IL1RAPL2: variants seen among roughly 807,000 people sequenced by gnomAD.
IL1RAPL2 encodes X-linked interleukin-1 receptor accessory protein-like 2.
A neutral mutation model predicts 44.1 loss-of-function variants in IL1RAPL2; 3 were observed. The ratio of observed to expected loss-of-function variants is 0.07; its 90% CI spans 0.03 to 0.18. The LOEUF (loss-of-function observed/expected upper bound fraction) is 0.18. IL1RAPL2 is among the 10% of genes least tolerant of loss of function. IL1RAPL2 has a pLI of 1.00. For missense variants in IL1RAPL2, 391 were observed against 496.4 expected (o/e 0.79, Z 2.02); for synonymous variants, 181 against 178.8 (o/e 1.01, Z -0.10).
At chrX:105,383,493 A>G (rs984010379) in intron 5 of IL1RAPL2, among the ~76,000 whole-genome samples, 1 of 112,186 alleles carries the variant, frequency 8.9e-6, no homozygotes, top group Non-Finnish European at 1.9e-5. Context: ...TTATCTACTC[A>G]TCTTCTATTC....
At chrX:105,189,226 A>G (rs958470507) in intron 2 of IL1RAPL2, among the ~76,000 whole-genome samples, 2 of 112,184 alleles carry the variant, frequency 1.8e-5, no homozygotes, top group African/African-American at 6.5e-5. Flanking sequence ...TTATTTATTT[A>G]TTTATTTTTG....
rs539942283 is a variant in IL1RAPL2, at chrX:105,740,754, A to G, written c.1048+63A>G. The G allele has an allele frequency of 1.2e-4, 121 of 1,035,441 alleles. 1 individual carries two copies. The South Asian group carries it at 2.5e-3, about 22-fold the overall frequency. 85.3% of individuals were successfully genotyped at this position (1,035,441 alleles called of 1,213,427 possible). ...CTATCAACAACTATTGAAGTTAGAG[A>G]TATTTCCTGGCTTTATTTTATCATG... On this transcript the variant is annotated intron_variant, in intron 8 of 10. Coordinates refer to ENST00000372582, the MANE Select transcript of IL1RAPL2 (RefSeq NM_017416.2).
intron 4 of IL1RAPL2, among the ~76,000 whole-genome samples, chrX:105,264,363 G>A (rs1255646518): frequency 9.0e-6 from 1 of 111,093 alleles, no homozygotes; most frequent in Non-Finnish European, 1.9e-5. Flanking sequence ...CCCAGTCTTG[G>A]GTATTTCTTC....
intron 2 of IL1RAPL2, among the ~76,000 whole-genome samples, chrX:104,878,517 C>T (rs1273445304): frequency 8.9e-6 from 1 of 112,073 alleles, no homozygotes; most frequent in Admixed American, 9.5e-5. Context: ...ATTAGCTTTG[C>T]TGTGATTTCC....
intron 6 of IL1RAPL2, among the ~76,000 whole-genome samples, chrX:105,536,741 T>C (rs768822690): frequency 8.9e-6 from 1 of 112,145 alleles, no homozygotes; most frequent in African/African-American, 3.2e-5. Context: ...TCAGCAACAG[T>C]GTATTAGCAA....
intron 10 of IL1RAPL2, among the ~76,000 whole-genome samples, chrX:105,763,034 TCTTAA>T (rs1432977391): frequency 9.0e-6 from 1 of 111,619 alleles, no homozygotes; most frequent in Non-Finnish European, 1.9e-5. Flanking sequence ...GCTGGCAATG[TCTTAA>T]CTTGATACCT....
intron 10 of IL1RAPL2, among the ~76,000 whole-genome samples, chrX:105,762,484 T>C (rs2147597212): frequency 8.9e-6 from 1 of 112,452 alleles, no homozygotes; most frequent in South Asian, 3.7e-4. Flanking sequence ...TTTGCACTTA[T>C]AATGTGAAAA....
At chrX:104,721,772 CCTTT>C (rs1231743823) in intron 2 of IL1RAPL2, among the ~76,000 whole-genome samples, 3 of 111,474 alleles carry the variant, frequency 2.7e-5, no homozygotes, top group Admixed American at 1.9e-4. Context: ...TTAACAAATA[CCTTT>C]CTTTAAGACT....
At chrX:104,743,371 T>C (rs1337543943) in intron 2 of IL1RAPL2, among the ~76,000 whole-genome samples, 1 of 109,311 alleles carries the variant, frequency 9.1e-6, no homozygotes, top group Non-Finnish European at 1.9e-5. Flanking sequence ...TTGAAATTGG[T>C]TTGGAGAGCC....
chrX:104,968,495 A>G (rs1052056951), intron 2 of IL1RAPL2, among the ~76,000 whole-genome samples: 2 of 111,599 alleles, frequency 1.8e-5, no homozygotes, highest in Non-Finnish European at 3.8e-5. Flanking sequence ...AAAATTGCAT[A>G]ACATTATCAT....
At chrX:104,741,041 A>G (rs1439589554) in intron 2 of IL1RAPL2, among the ~76,000 whole-genome samples, 1 of 111,739 alleles carries the variant, frequency 8.9e-6, no homozygotes, top group Non-Finnish European at 1.9e-5. Context: ...ATGGAGGCAT[A>G]TACCTATCTC....
rs972322350 is a variant in IL1RAPL2, at chrX:105,754,739, T to C, written c.1193-438T>C. On this transcript the variant is annotated intron_variant, in intron 9 of 10. Transcript: ENST00000372582. ...TGGATTATTTCAATCTTCCACACTCTAGGGCCCAGCCCCTGTTGGATCTTT... is the reference window on the plus strand; with the variant it reads ...TGGATTATTTCAATCTTCCACACTCCAGGGCCCAGCCCCTGTTGGATCTTT... Among the ~76,000 whole-genome samples the C allele has an allele frequency of 6.2e-5, 7 of 112,440 alleles. No individual in the cohort carries two copies. The East Asian group carries it at 2.0e-3, about 32-fold the overall frequency.
chrX:104,786,487 G>T (rs1281061646), intron 2 of IL1RAPL2, among the ~76,000 whole-genome samples: 6 of 111,814 alleles, frequency 5.4e-5, no homozygotes, highest in Non-Finnish European at 1.1e-4. Flanking sequence ...TAGAACCTCT[G>T]CGAGGAAGGT....
intron 5 of IL1RAPL2, among the ~76,000 whole-genome samples, chrX:105,483,646 A>G (rs971485062): frequency 2.7e-5 from 3 of 111,283 alleles, no homozygotes; most frequent in Non-Finnish European, 5.7e-5. Flanking sequence ...CCACCTATAT[A>G]TAGCCTTATA....
chrX:104,669,922 T>C (rs1478553903), intron 2 of IL1RAPL2, among the ~76,000 whole-genome samples: 1 of 112,034 alleles, frequency 8.9e-6, no homozygotes, highest in Non-Finnish European at 1.9e-5. Context: ...ATATATGGTG[T>C]GACTCTCAAA....
intron 5 of IL1RAPL2, among the ~76,000 whole-genome samples, chrX:105,424,575 G>A (rs1266295262): frequency 2.8e-5 from 3 of 108,816 alleles, no homozygotes; most frequent in East Asian, 2.9e-4. Context: ...TACAGAGGAC[G>A]TACATTGAAT....
chrX:104,980,062 G>C (rs905566502), intron 2 of IL1RAPL2, among the ~76,000 whole-genome samples: 32 of 111,973 alleles, frequency 2.9e-4, no homozygotes, highest in African/African-American at 9.4e-4. Flanking sequence ...CAAAGGACTA[G>C]AAGCAACCTA....
chrX:105,139,801 A>G (rs746201222), intron 2 of IL1RAPL2, among the ~76,000 whole-genome samples: 1 of 112,590 alleles, frequency 8.9e-6, no homozygotes, highest in East Asian at 2.8e-4. Context: ...GGACACATCC[A>G]GTCCATTAGA....
At chrX:105,597,952 C>T (rs1286821316) in intron 6 of IL1RAPL2, among the ~76,000 whole-genome samples, 1 of 111,191 alleles carries the variant, frequency 9.0e-6, no homozygotes. Context: ...AATTCCTCTT[C>T]TGGGTATACA....
Sources: gnomAD v4.1 joint callset for allele counts (sites outside exome capture counted in the v4.1 genomes callset) on GRCh38, gnomAD v4.1.1 for gene constraint, MANE v1.5 for transcripts, NCBI Gene and HGNC (gene_info 2026-07-23, HGNC 2026-07-21) for gene names.